Variants in NCAPD3 observed in about 807,000 individuals in gnomAD.
NCAPD3 encodes the protein non-SMC condensin II complex subunit D3, also known as condensin-2 complex subunit D3.
NCAPD3 carries 105 observed loss-of-function variants against 182.9 expected under a neutral mutation model. The observed-to-expected ratio is 0.57, with a 90% confidence interval of 0.49 to 0.68. NCAPD3 has a LOEUF of 0.68. Ranked by LOEUF, NCAPD3 falls within the 30% of genes least tolerant of loss-of-function variation. NCAPD3 has a pLI of 0.00. For missense variants in NCAPD3, 1,944 were observed against 1,837.0 expected (o/e 1.06, Z -1.07); for synonymous variants, 815 against 679.9 (o/e 1.20, Z -3.09).
intron 13 of NCAPD3, among the ~76,000 whole-genome samples, chr11:134,198,595 C>T (rs963398003): frequency 6.6e-6 from 1 of 152,166 alleles, no homozygotes; most frequent in African/African-American, 2.4e-5. Flanking sequence ...CAGAGCTTGA[C>T]TCTTTCTGTC....
intron 32 of NCAPD3, among the ~76,000 whole-genome samples, chr11:134,156,347 G>A (rs143780087): frequency 3.9e-5 from 6 of 152,310 alleles, no homozygotes; most frequent in African/African-American, 4.8e-5. Context: ...GGGACACGGC[G>A]GCAGGGCCTA....
At chr11:134,175,763 A>C (rs1298888254) in intron 24 of NCAPD3, among the ~76,000 whole-genome samples, 1 of 152,220 alleles carries the variant, frequency 6.6e-6, no homozygotes, top group African/African-American at 2.4e-5. Flanking sequence ...AAAAAGATGC[A>C]AGGATAGAAA....
chr11:134,188,868 G>A (rs780858131), intron 16 of NCAPD3, among the ~76,000 whole-genome samples: 20 of 152,252 alleles, frequency 1.3e-4, no homozygotes, highest in Admixed American at 2.6e-4. Flanking sequence ...GAAGAAATGC[G>A]GACACAGAAT....
Position 134,209,483 on chromosome 11 carries a change from T to G in NCAPD3, c.568-6A>C, listed in dbSNP as rs754903041. The stretch of plus-strand genomic sequence containing the variant: ...TCTTCTATAATTTCATCCATCTAGA[T>G]TATGAAGAAATGTACAGGTGACTGT... On this transcript the variant is annotated splice_region_variant and splice_polypyrimidine_tract_variant and intron_variant, in intron 4 of 34. Transcript: ENST00000534548. 1.5e-5 allele frequency: 24 copies of G among 1,607,342 alleles called. No individual in the cohort carries two copies. Among genetic ancestry groups the G allele is most frequent in the East Asian group, 2.2e-5 (1 of 44,852 alleles).
intron 1 of NCAPD3, among the ~76,000 whole-genome samples, chr11:134,222,201 C>T (rs1254600922): frequency 6.6e-6 from 1 of 152,190 alleles, no homozygotes; most frequent in Middle Eastern, 3.2e-3. Flanking sequence ...CTCTCACTAC[C>T]TATTTTCTCA....
intron 7 of NCAPD3, among the ~76,000 whole-genome samples, chr11:134,207,641 T>G (rs1034141607): frequency 1.2e-4 from 18 of 145,602 alleles, no homozygotes; most frequent in Non-Finnish European, 2.2e-4. Flanking sequence ...CACTAGGGGG[T>G]GCTGAGGCAG....
At chr11:134,192,939 G>A (rs1437834359) in intron 15 of NCAPD3, 30 bp from the exon 16 acceptor site, 1 of 1,291,190 alleles carries the variant, frequency 7.7e-7, no homozygotes, top group South Asian at 1.2e-5. Context: ...GACATGAGAA[G>A]GTCTAAATAC....
At chr11:134,167,864 T>G in intron 27 of NCAPD3, 132 bp downstream of exon 27, 1 of 877,188 alleles carries the variant, frequency 1.1e-6, no homozygotes, top group South Asian at 1.6e-5. Flanking sequence ...AGCACACTCG[T>G]GAGATGAGCT....
intron 16 of NCAPD3, among the ~76,000 whole-genome samples, chr11:134,187,251 T>C (rs1030383534): frequency 2.0e-5 from 3 of 152,166 alleles, no homozygotes; most frequent in Non-Finnish European, 4.4e-5. Flanking sequence ...GCTGAGACTC[T>C]GGTCCACCAG....
At chr11:134,193,158 T>C (rs1357672926) in intron 15 of NCAPD3, among the ~76,000 whole-genome samples, 2 of 152,204 alleles carry the variant, frequency 1.3e-5, no homozygotes, top group African/African-American at 4.8e-5. Context: ...AGTACTTTTT[T>C]GGTCATTAAA....
chr11:134,164,237 C>A (rs556234318), intron 27 of NCAPD3, among the ~76,000 whole-genome samples: 1 of 152,176 alleles, frequency 6.6e-6, no homozygotes, highest in Non-Finnish European at 1.5e-5. Flanking sequence ...AAAGCCTCAG[C>A]CTGACACACC....
At chr11:134,157,498 T>C (rs1943456342) in intron 31 of NCAPD3, among the ~76,000 whole-genome samples, 1 of 152,188 alleles carries the variant, frequency 6.6e-6, no homozygotes, top group Admixed American at 6.5e-5. Context: ...AGGATAGTAA[T>C]AAATCAGTTA....
intron 1 of NCAPD3, 76 bp from the exon 2 acceptor site, chr11:134,220,802 T>C: frequency 7.0e-7 from 1 of 1,429,264 alleles, no homozygotes; most frequent in Non-Finnish European, 9.6e-7. Context: ...ATTCCAGGTG[T>C]GTTCAAGAGG....
chr11:134,197,820 T>C lies in NCAPD3; in HGVS notation c.1616-3082A>G, dbSNP rs530735585. 1.4e-4 allele frequency among the ~76,000 whole-genome samples: 21 copies of C among 152,306 alleles called. No individual in the cohort carries two copies. In the South Asian group the frequency reaches 3.1e-3, roughly 23 times the overall value. On this transcript the variant is annotated intron_variant, in intron 13 of 34. Coordinates refer to ENST00000534548, the MANE Select transcript of NCAPD3 (RefSeq NM_015261.3). ...TCAAAATAGATGCAGAGAAAGCATT[T>C]GCAAATTCCAACACCTTTCCATGAT...
chr11:134,207,746 A>G (rs1030965841), intron 7 of NCAPD3, among the ~76,000 whole-genome samples: 1 of 150,306 alleles, frequency 6.7e-6, no homozygotes, highest in African/African-American at 2.4e-5. Context: ...GCGTCTCAAA[A>G]AAAAAAAAAA....
rs778455089 is a variant in NCAPD3, at chr11:134,209,359, T to C, written c.686A>G (p.Lys229Arg). The change falls in exon 5 of 35, where the codon AAG becomes AGG. Residue 229 changes from lysine to arginine, a missense_variant. Lys to Arg is a conservative substitution (Grantham distance 26). Around this residue, in one of 3 missense-constraint regions of NCAPD3, gnomAD observed 1,803 missense variants for 1,674.6 expected, o/e 1.08. Transcript: ENST00000534548. Reference protein sequence around the residue: ...LLKNFLRLLPKFSLKEKPQCV... With the variant: ...LLKNFLRLLPRFSLKEKPQCV... ...TTGTGGCTTTTCTTTCAAGGAAAACTTTGGCAGAAGCCTTAAAAAATTCTT... is the reference window on the plus strand; with the variant it reads ...TTGTGGCTTTTCTTTCAAGGAAAACCTTGGCAGAAGCCTTAAAAAATTCTT... 1.9e-5 allele frequency: 31 copies of C among 1,614,028 alleles called. No homozygotes were observed. The highest frequency in any genetic ancestry group is 2.4e-5 in the Non-Finnish European group (28 of 1,180,016).
intron 17 of NCAPD3, 73 bp from the exon 18 acceptor site, chr11:134,185,073 G>A (rs1184469768): frequency 1.6e-6 from 2 of 1,222,876 alleles, no homozygotes; most frequent in Non-Finnish European, 2.4e-6. Flanking sequence ...CCTTTCTTCT[G>A]GATTAATAAC....
chr11:134,185,545 G>C lies in NCAPD3; in HGVS notation c.2046-19C>G, dbSNP rs539999275. 2 of 1,562,966 alleles carry C rather than the reference G, an allele frequency of 1.3e-6. No individual in the cohort carries two copies. Among genetic ancestry groups the C allele is most frequent in the East Asian group, 4.5e-5 (2 of 44,398 alleles). Reference sequence around the variant, plus strand: ...ATATCGGCTGGAAAAAAAAAAGATAGAAAAGCAGAATTGCAACTGTAAATA... The same window carrying C: ...ATATCGGCTGGAAAAAAAAAAGATACAAAAGCAGAATTGCAACTGTAAATA... On this transcript the variant is annotated intron_variant, in intron 16 of 34. Transcript: ENST00000534548.
At chr11:134,158,673 T>C (rs1440117851) in intron 29 of NCAPD3, among the ~76,000 whole-genome samples, 178 bp from the exon 30 acceptor site, 1 of 152,248 alleles carries the variant, frequency 6.6e-6, no homozygotes, top group Non-Finnish European at 1.5e-5. Flanking sequence ...ATCTTTTCTT[T>C]GTGTTGGGAA....
Sources: gnomAD v4.1 joint callset for allele counts (sites outside exome capture counted in the v4.1 genomes callset) on GRCh38, gnomAD v4.1.1 for gene constraint, gnomAD v4.1.1 regional missense constraint, MANE v1.5 for transcripts, NCBI Gene and HGNC (gene_info 2026-07-23, HGNC 2026-07-21) for gene names.